The following FRK variants were observed in gnomAD, a reference collection of about 807,000 sequenced individuals.
The protein encoded by FRK is tyrosine-protein kinase FRK.
In FRK, 51 loss-of-function variants were observed where a neutral mutation model predicts 56.4. The ratio of observed to expected loss-of-function variants is 0.90; its 90% CI spans 0.72 to 1.14. The LOEUF is 1.14. FRK is among the 50% of genes most tolerant of loss of function. The probability of loss-of-function intolerance (pLI) is 0.00; values close to 1 mark genes in which losing one functional copy is unlikely to be tolerated. For missense variants in FRK, 570 were observed against 601.4 expected, an observed-to-expected ratio of 0.95 and a Z score of 0.55; for synonymous variants, 245 against 217.9, an observed-to-expected ratio of 1.12 and a Z score of -1.10.
chr6:116,085,340 T>C, the FRK span, among the ~76,000 whole-genome samples: 7 of 152,174 alleles, frequency 4.6e-5, no homozygotes, highest in African/African-American at 9.7e-5. Flanking sequence ...CAGTTACTTC[T>C]GGGAATAATA....
chr6:116,092,366 G>C, the FRK span, among the ~76,000 whole-genome samples: 1 of 152,172 alleles, frequency 6.6e-6, no homozygotes, highest in African/African-American at 2.4e-5. Context: ...CTCCCTCAGG[G>C]TATGGCCCTC....
chr6:116,099,158 C>T, the FRK span, among the ~76,000 whole-genome samples: 3 of 152,212 alleles, frequency 2.0e-5, no homozygotes, highest in African/African-American at 7.2e-5. Flanking sequence ...GGTTCCCTCT[C>T]TCCCCTTACC....
chr6:116,003,826 T>G, intron 2 of FRK, 51 bp downstream of exon 2: 1 of 1,597,858 alleles, frequency 6.3e-7, no homozygotes. Context: ...AGAAAGCTCA[T>G]GACTGCAGAC....
At chr6:116,001,710 T>C (rs1198998213) in intron 2 of FRK, among the ~76,000 whole-genome samples, 2 of 152,176 alleles carry the variant, frequency 1.3e-5, no homozygotes, top group Non-Finnish European at 2.9e-5. Context: ...GGGTAGTAAC[T>C]TTTCTATGAA....
the FRK span, among the ~76,000 whole-genome samples, chr6:116,075,607 G>A: frequency 6.6e-6 from 1 of 152,042 alleles, no homozygotes; most frequent in African/African-American, 2.4e-5. Context: ...CTTCATTGGG[G>A]TTCTTTTGTG....
chr6:115,975,965 A>G (rs2114623279), intron 2 of FRK, among the ~76,000 whole-genome samples: 1 of 152,278 alleles, frequency 6.6e-6, no homozygotes, highest in South Asian at 2.1e-4. Context: ...GTTAACTTCT[A>G]TATGGACTAT....
At chr6:116,068,386 A>G in the FRK span, among the ~76,000 whole-genome samples, 1 of 152,200 alleles carries the variant, frequency 6.6e-6, no homozygotes, top group African/African-American at 2.4e-5. Flanking sequence ...ATGGGCTTAA[A>G]AAGAAAAAAA....
At chr6:116,035,739 C>T (rs1562297479) in intron 1 of FRK, among the ~76,000 whole-genome samples, 1 of 152,030 alleles carries the variant, frequency 6.6e-6, no homozygotes, top group Non-Finnish European at 1.5e-5. Context: ...TTTCCTTAAT[C>T]ACTACTGCAC....
the FRK span, among the ~76,000 whole-genome samples, chr6:116,095,065 T>C: frequency 6.6e-6 from 1 of 152,256 alleles, no homozygotes; most frequent in African/African-American, 2.4e-5. Flanking sequence ...CCGAAAATAC[T>C]GAGGCCACTG....
At chr6:116,038,602 T>C (rs1582743146) in intron 1 of FRK, among the ~76,000 whole-genome samples, 1 of 152,246 alleles carries the variant, frequency 6.6e-6, no homozygotes, top group East Asian at 1.9e-4. Context: ...TCAAGAGAAA[T>C]GAACCTTAAG....
Position 116,020,073 on chromosome 6 carries a change from CAACA to C in FRK, c.345-16079_345-16076del, listed in dbSNP as rs977422501. Among the ~76,000 whole-genome samples the C allele has an allele frequency of 1.9e-4, 29 of 152,108 alleles. 2 individuals are homozygous for C. In the Middle Eastern group the frequency reaches 0.01, roughly 54 times the overall value. ...TAAAGAAACTTTTCTAAACTATCAA[CAACA>C]AAAAAATTGATCAAACATTTCAAAA... is the stretch of plus-strand genomic sequence containing the variant. On this transcript the variant is annotated intron_variant, in intron 1 of 7. Coordinates refer to ENST00000606080, the MANE Select transcript of FRK (RefSeq NM_002031.3).
chr6:115,989,776 C>A (rs575965322), intron 2 of FRK, among the ~76,000 whole-genome samples: 51 of 151,854 alleles, frequency 3.4e-4, no homozygotes, highest in Admixed American at 1.8e-3. Flanking sequence ...TTGGGATAAC[C>A]ATTTCTTTCA....
intron 2 of FRK, among the ~76,000 whole-genome samples, chr6:115,983,732 C>A (rs1440291971): frequency 1.3e-5 from 2 of 152,092 alleles, no homozygotes; most frequent in Admixed American, 1.3e-4. Context: ...GCACTGCCAC[C>A]ACCTTGCTGT....
In FRK at chr6:116,000,223, C is replaced by CTT. The variant is rs561273499; in HGVS notation, c.466+3652_466+3653dup. On this transcript the variant is annotated intron_variant, in intron 2 of 7. Coordinates refer to ENST00000606080, the MANE Select transcript of FRK (RefSeq NM_002031.3). ...TTTCCTCATGAAAATATCATTCTTT[C>CTT]TTTTTTTTTTTTTTTTTTTTTTTTT... 5.4e-3 allele frequency among the ~76,000 whole-genome samples: 285 copies of CTT among 53,072 alleles called. 51 individuals are homozygous for CTT. The highest frequency in any genetic ancestry group is 8.5e-3 in the African/African-American group (94 of 11,104). The allele number at this position is 53,072 out of a possible 152,430, so 34.8% of individuals were successfully genotyped here.
chr6:116,045,326 T>C (rs1321938305), intron 1 of FRK, among the ~76,000 whole-genome samples: 1 of 152,144 alleles, frequency 6.6e-6, no homozygotes, highest in African/African-American at 2.4e-5. Flanking sequence ...CCACCTGACT[T>C]CAAACTATAC....
upstream of FRK, among the ~76,000 whole-genome samples, chr6:116,063,487 T>C (rs1263597466): frequency 2.6e-5 from 4 of 151,480 alleles, no homozygotes; most frequent in Non-Finnish European, 5.9e-5. Flanking sequence ...CTGACTTATA[T>C]GTGGAAGCTA....
Position 115,935,326 on chromosome 6 carries a change from C to G in FRK, c.*7088G>C, listed in dbSNP as rs1772025447. ...GGTGCACTCCAGCCCAGATACTGCA[C>G]TTTTCCCATGGTCTTTGAAACCTGC... is the stretch of plus-strand genomic sequence containing the variant. On this transcript the variant is annotated 3_prime_UTR_variant, in exon 8 of 8. Transcript: ENST00000606080. The G allele has an allele frequency of 6.6e-6, 1 of 152,384 alleles. No homozygotes were observed. The highest frequency in any genetic ancestry group is 1.5e-5 in the Non-Finnish European group (1 of 68,168). The allele number at this position is 152,384 out of a possible 1,614,324, so 9.4% of individuals were successfully genotyped here.
chr6:116,100,665 C>G, the FRK span, among the ~76,000 whole-genome samples: 1 of 152,152 alleles, frequency 6.6e-6, no homozygotes, highest in African/African-American at 2.4e-5. Flanking sequence ...GATCAGGAGT[C>G]GCCGGCATTG....
At chr6:116,068,113 G>A in the FRK span, among the ~76,000 whole-genome samples, 25 of 152,068 alleles carry the variant, frequency 1.6e-4, 1 homozygote, top group Admixed American at 1.2e-3. Flanking sequence ...CCTGACACTA[G>A]GGGAAATGAC....
Sources: allele counts gnomAD v4.1 joint callset (sites outside exome capture counted in the v4.1 genomes callset), GRCh38; gene constraint gnomAD v4.1.1; transcripts MANE v1.5; gene names NCBI Gene and HGNC (gene_info 2026-07-23, HGNC 2026-07-21).